The following ST6GALNAC3 variants were observed in gnomAD, a reference collection of about 807,000 sequenced individuals.
ST6GALNAC3 encodes the protein alpha-N-acetylgalactosaminide alpha-2,6-sialyltransferase 3.
Under a neutral mutation model 32.7 loss-of-function variants are expected in ST6GALNAC3, and 25 were observed. The observed-to-expected ratio is 0.76, with a 90% CI of 0.56 to 1.07. The LOEUF (loss-of-function observed/expected upper bound fraction) is 1.07. Ranked by LOEUF, ST6GALNAC3 falls within the 50% of genes least tolerant of loss-of-function variation. The pLI is 0.00. For synonymous variants in ST6GALNAC3, 129 were observed against 133.1 expected (o/e 0.97, Z 0.21); for missense variants, 355 against 382.4 (o/e 0.93, Z 0.60).
chr1:76,560,912 G>A (rs769025397), intron 3 of ST6GALNAC3, among the ~76,000 whole-genome samples: 1 of 152,128 alleles, frequency 6.6e-6, no homozygotes, highest in Non-Finnish European at 1.5e-5. Flanking sequence ...GAACTTGGAA[G>A]CCAAAATTTG....
intron 3 of ST6GALNAC3, among the ~76,000 whole-genome samples, chr1:76,452,084 G>C (rs748276024): frequency 1.3e-5 from 2 of 152,094 alleles, no homozygotes; most frequent in Non-Finnish European, 2.9e-5. Flanking sequence ...GTTTGGCTGT[G>C]TCCCCACTCA....
chr1:76,588,102 T>A (rs1309394738), intron 3 of ST6GALNAC3, among the ~76,000 whole-genome samples: 1 of 152,172 alleles, frequency 6.6e-6, no homozygotes, highest in Non-Finnish European at 1.5e-5. Context: ...TCAGCCTAGA[T>A]CCCATTCCTC....
chr1:76,305,566 G>A (rs1210497120), intron 1 of ST6GALNAC3, among the ~76,000 whole-genome samples: 4 of 152,000 alleles, frequency 2.6e-5, no homozygotes, highest in African/African-American at 9.7e-5. Flanking sequence ...TTTGGGAAGT[G>A]GTAAAGACTC....
At chr1:76,196,784 G>A (rs867908983) in intron 1 of ST6GALNAC3, among the ~76,000 whole-genome samples, 1 of 152,100 alleles carries the variant, frequency 6.6e-6, no homozygotes, top group Non-Finnish European at 1.5e-5. Context: ...TTTTTAAAGA[G>A]TGTAAAGGGA....
In ST6GALNAC3 at chr1:76,629,732, T is replaced by G; in HGVS notation, c.*926T>G. On this transcript the variant is annotated 3_prime_UTR_variant, in exon 5 of 5. Coordinates refer to ENST00000328299, the MANE Select transcript of ST6GALNAC3 (RefSeq NM_152996.4). Reference sequence around the variant, plus strand: ...CAAAACTATATGATTTTTAAAATCATGAAATAGAGACAGCAAAGCATATTT... The same window carrying G: ...CAAAACTATATGATTTTTAAAATCAGGAAATAGAGACAGCAAAGCATATTT... 1 of 983,144 alleles carries G rather than the reference T, an allele frequency of 1.0e-6. No individual in the cohort carries two copies. Among genetic ancestry groups the G allele is most frequent in the Non-Finnish European group, 1.2e-6 (1 of 827,514 alleles). The allele number at this position is 983,144 out of a possible 1,614,324, so 60.9% of individuals were successfully genotyped here. A position where few individuals can be genotyped will look rare whatever the true frequency, so the allele number is the denominator to read the frequency against.
chr1:76,347,928 T>G (rs182631958), intron 2 of ST6GALNAC3, among the ~76,000 whole-genome samples: 6 of 152,308 alleles, frequency 3.9e-5, no homozygotes, highest in African/African-American at 1.4e-4. Flanking sequence ...TTGGTTATTA[T>G]GATTTATGAT....
intron 2 of ST6GALNAC3, among the ~76,000 whole-genome samples, chr1:76,346,676 A>G (rs1325794367): frequency 6.6e-6 from 1 of 152,134 alleles, no homozygotes; most frequent in Non-Finnish European, 1.5e-5. Flanking sequence ...GTGGCTTCCA[A>G]TTCCTACGGT....
intron 1 of ST6GALNAC3, among the ~76,000 whole-genome samples, chr1:76,249,185 G>A (rs1433056204): frequency 6.6e-6 from 1 of 152,088 alleles, no homozygotes; most frequent in Non-Finnish European, 1.5e-5. Context: ...TTGTGCAAAC[G>A]TCTCCACTCT....
chr1:76,423,882 A>G (rs1260284027), intron 3 of ST6GALNAC3, among the ~76,000 whole-genome samples: 2 of 151,978 alleles, frequency 1.3e-5, no homozygotes, highest in Non-Finnish European at 2.9e-5. Flanking sequence ...AGGATTGTCA[A>G]TCTATCTTAA....
At chr1:76,113,276 C>T (rs1465168552) in intron 1 of ST6GALNAC3, among the ~76,000 whole-genome samples, 1 of 145,428 alleles carries the variant, frequency 6.9e-6, no homozygotes, top group Non-Finnish European at 1.5e-5. Context: ...TGCAGTGAGC[C>T]GAGATGGCAG....
chr1:76,312,891 C>G (rs933587394), intron 1 of ST6GALNAC3, among the ~76,000 whole-genome samples: 1 of 152,180 alleles, frequency 6.6e-6, no homozygotes, highest in Non-Finnish European at 1.5e-5. Flanking sequence ...CTCTGGAAAG[C>G]TCTGTTCACA....
At chr1:76,376,865 A>T (rs1014942268) in intron 2 of ST6GALNAC3, among the ~76,000 whole-genome samples, 1 of 151,782 alleles carries the variant, frequency 6.6e-6, no homozygotes, top group Admixed American at 6.6e-5. Flanking sequence ...TTTGGATTTC[A>T]TGTTTATATA....
At chr1:76,347,555 A>G (rs1448112324) in intron 2 of ST6GALNAC3, among the ~76,000 whole-genome samples, 2 of 152,150 alleles carry the variant, frequency 1.3e-5, no homozygotes, top group African/African-American at 2.4e-5. Flanking sequence ...ATGTACTCCT[A>G]GAAAGCAATT....
intron 1 of ST6GALNAC3, among the ~76,000 whole-genome samples, chr1:76,230,055 C>T (rs1287100925): frequency 2.6e-5 from 4 of 152,166 alleles, no homozygotes; most frequent in Non-Finnish European, 5.9e-5. Context: ...TTATAGATGA[C>T]TTAGCTTAGA....
At chr1:76,499,700 A>G (rs1199645001) in intron 3 of ST6GALNAC3, among the ~76,000 whole-genome samples, 1 of 151,926 alleles carries the variant, frequency 6.6e-6, no homozygotes, top group East Asian at 1.9e-4. Context: ...TGCTAATAGA[A>G]CCTCCCTCTT....
intron 3 of ST6GALNAC3, among the ~76,000 whole-genome samples, chr1:76,427,194 T>A (rs1036191322): frequency 1.1e-4 from 17 of 152,044 alleles, no homozygotes; most frequent in Admixed American, 3.3e-4. Context: ...CTAGTGACTT[T>A]CTCAAGTCCC....
At chr1:76,380,110 G>A (rs1651586965) in intron 2 of ST6GALNAC3, among the ~76,000 whole-genome samples, 1 of 152,196 alleles carries the variant, frequency 6.6e-6, no homozygotes, top group African/African-American at 2.4e-5. Flanking sequence ...ATCCTGAGAG[G>A]AGAAAGGCAG....
intron 3 of ST6GALNAC3, among the ~76,000 whole-genome samples, chr1:76,569,244 C>G (rs1665725819): frequency 6.6e-6 from 1 of 152,148 alleles, no homozygotes. Flanking sequence ...ATTACGTTTT[C>G]TTTCCAAGAC....
At chr1:76,281,720 C>A (rs1418031839) in intron 1 of ST6GALNAC3, among the ~76,000 whole-genome samples, 1 of 152,186 alleles carries the variant, frequency 6.6e-6, no homozygotes, top group Non-Finnish European at 1.5e-5. Flanking sequence ...GTGTTTGGTC[C>A]TTGGGAAGGT....
Sources: gnomAD v4.1 joint callset for allele counts (sites outside exome capture counted in the v4.1 genomes callset) on GRCh38, gnomAD v4.1.1 for gene constraint, MANE v1.5 for transcripts, NCBI Gene and HGNC (gene_info 2026-07-23, HGNC 2026-07-21) for gene names.